The following HOMER2 variants were observed in gnomAD, a reference collection of about 807,000 sequenced individuals.
The protein encoded by HOMER2 is homer protein homolog 2.
A neutral mutation model predicts 47.0 loss-of-function variants in HOMER2; 27 were observed. The observed-to-expected ratio is 0.57, with a 90% CI of 0.42 to 0.79. The LOEUF (loss-of-function observed/expected upper bound fraction) is 0.79. Among genes scored for constraint, HOMER2 ranks in the 30% least tolerant of loss-of-function variants. HOMER2 has a pLI of 0.00. For missense variants in HOMER2, 443 were observed against 435.0 expected (o/e 1.02, Z -0.16); for synonymous variants, 161 against 163.8 (o/e 0.98, Z 0.13).
In HOMER2 at chr15:82,913,929, G is replaced by A. The variant is rs1362841853; in HGVS notation, c.6-21088C>T. On this transcript the variant is annotated intron_variant, in intron 1 of 8. Transcript: ENST00000450735. This position sits in a 1 kb window ranked among gnomAD's most constrained non-coding sequence, Gnocchi z 4.1. ...ACCCAAACAGCTACTTGTATGCCCA[G>A]GTTCAAAGCAGCATTATTCACAACA... Among the ~76,000 whole-genome samples the A allele has an allele frequency of 6.6e-6, 1 of 152,130 alleles. No individual in the cohort carries two copies. Among genetic ancestry groups the A allele is most frequent in the Non-Finnish European group, 1.5e-5 (1 of 68,032 alleles).
At chr15:82,930,278 A>G (rs1325793093) in intron 1 of HOMER2, among the ~76,000 whole-genome samples, 1 of 152,174 alleles carries the variant, frequency 6.6e-6, no homozygotes, top group Non-Finnish European at 1.5e-5. Flanking sequence ...GCTCAAATGA[A>G]ATACCGTATA....
intron 1 of HOMER2, among the ~76,000 whole-genome samples, chr15:82,979,737 G>A (rs938175747): frequency 6.6e-6 from 1 of 152,180 alleles, no homozygotes; most frequent in South Asian, 2.1e-4. Flanking sequence ...TAGGTTTCTG[G>A]CAAGGGAAAC....
At chr15:82,914,028 C>T (rs1056113425) in intron 1 of HOMER2, among the ~76,000 whole-genome samples, 35 of 152,140 alleles carry the variant, frequency 2.3e-4, no homozygotes, top group African/African-American at 7.7e-4. Flanking sequence ...CACATAGAAT[C>T]GAATAGCCTT....
chr15:82,979,974 G>A (rs377626251), intron 1 of HOMER2, among the ~76,000 whole-genome samples: 3 of 152,142 alleles, frequency 2.0e-5, no homozygotes, highest in African/African-American at 7.2e-5. Context: ...AAAAGTGATA[G>A]TCTGCATAGG....
intron 1 of HOMER2, among the ~76,000 whole-genome samples, chr15:82,912,484 C>T (rs1250627979): frequency 2.6e-5 from 4 of 151,732 alleles, no homozygotes; most frequent in African/African-American, 9.7e-5. Context: ...TTAATCCATT[C>T]TTCATCTGAT....
chr15:82,839,345 C>T (rs1471496689), exon 2 of HOMER2: 1 of 152,218 alleles, frequency 6.6e-6, no homozygotes, highest in Non-Finnish European at 1.5e-5. Flanking sequence ...AACATTGGCA[C>T]ACTCAAAAAA....
intron 2 of HOMER2, among the ~76,000 whole-genome samples, chr15:82,876,812 G>C (rs61604593): frequency 0.01 from 1,535 of 152,304 alleles, 31 homozygotes; most frequent in African/African-American, 0.035. Context: ...GTAGGAACCT[G>C]AGTCTACTCT....
chr15:82,928,134 C>A (rs942061622), intron 1 of HOMER2, among the ~76,000 whole-genome samples: 5 of 152,180 alleles, frequency 3.3e-5, no homozygotes, highest in African/African-American at 1.2e-4. Context: ...GCACTGCTGG[C>A]CTAAAGACCA....
chr15:82,880,493 G>C (rs1002799176), intron 2 of HOMER2, among the ~76,000 whole-genome samples: 4 of 152,188 alleles, frequency 2.6e-5, no homozygotes, highest in African/African-American at 9.7e-5. Flanking sequence ...CCACTGGGTG[G>C]TGGGTACATA....
At chr15:82,929,725 C>T (rs937693236) in intron 1 of HOMER2, among the ~76,000 whole-genome samples, 2 of 149,250 alleles carry the variant, frequency 1.3e-5, no homozygotes, top group East Asian at 3.9e-4. Context: ...GGTATGCTAA[C>T]ACAGTTTTGT....
chr15:82,981,248 G>C lies in HOMER2; in HGVS notation n.82+4539C>G, dbSNP rs963853090. On this transcript the variant is annotated intron_variant and non_coding_transcript_variant, in intron 1 of 1. Coordinates refer to the HOMER2 transcript ENST00000500334. ...AAACTGCATAACCTCTTGACCCTCA[G>C]CTTTAGTCTTTAAAGTGGTTATTGT... is the stretch of plus-strand genomic sequence containing the variant. 2.0e-5 allele frequency among the ~76,000 whole-genome samples: 3 copies of C among 152,138 alleles called. No individual in the cohort carries two copies. In the East Asian group the frequency reaches 5.8e-4, roughly 29 times the overall value.
chr15:82,852,091 CG>C (rs2051413926), intron 7 of HOMER2, 50 bp downstream of exon 7: 4 of 1,347,762 alleles, frequency 3.0e-6, no homozygotes, highest in Non-Finnish European at 4.2e-6. Flanking sequence ...TGTGCCACCC[CG>C]CAAGGCCAAG....
intron 1 of HOMER2, among the ~76,000 whole-genome samples, chr15:82,920,684 C>T (rs1247276263): frequency 1.3e-5 from 2 of 152,206 alleles, no homozygotes; most frequent in African/African-American, 4.8e-5. Context: ...TGTGATTACA[C>T]TGGGCCCTGG....
intron 1 of HOMER2, among the ~76,000 whole-genome samples, chr15:82,911,856 C>A (rs1349472313): frequency 1.3e-5 from 2 of 151,972 alleles, no homozygotes; most frequent in Non-Finnish European, 2.9e-5. Context: ...ATGGTAAAAC[C>A]CCCATCTCTA....
chr15:82,952,427 C>T (rs1279873745), intron 1 of HOMER2, 104 bp downstream of exon 1: 3 of 825,564 alleles, frequency 3.6e-6, no homozygotes. Context: ...CTTGGGGAGG[C>T]GGGGGCCGGC....
In HOMER2 at chr15:82,913,494, A is replaced by G. The variant is rs2053501564; in HGVS notation, c.6-20653T>C. Among the ~76,000 whole-genome samples, 1 of 152,158 alleles carries G rather than the reference A, an allele frequency of 6.6e-6. No homozygotes were observed. The highest frequency in any genetic ancestry group is 1.5e-5 in the Non-Finnish European group (1 of 68,030). ...CCTGAGAGTCTGACCTACTGCCTAC[A>G]GCCCAGGGCACACAGCCTGCCTCCC... On this transcript the variant is annotated intron_variant, in intron 1 of 8. Transcript: ENST00000450735. The surrounding 1 kb of genome is among the most constrained non-coding windows in gnomAD (Gnocchi z 4.1).
intron 1 of HOMER2, among the ~76,000 whole-genome samples, chr15:82,918,538 TC>T (rs1408814435): frequency 1.3e-5 from 2 of 152,016 alleles, no homozygotes; most frequent in African/African-American, 4.8e-5. Context: ...TTAGTTCTTC[TC>T]CATGGGGTTT....
chr15:82,853,061 C>T (rs879624830), intron 6 of HOMER2, among the ~76,000 whole-genome samples: 13 of 152,200 alleles, frequency 8.5e-5, no homozygotes, highest in African/African-American at 2.2e-4. Flanking sequence ...AGCAGCAGTC[C>T]TTGACATGAA....
intron 1 of HOMER2, among the ~76,000 whole-genome samples, chr15:82,899,885 G>T (rs1390650518): frequency 6.6e-6 from 1 of 152,152 alleles, no homozygotes; most frequent in Non-Finnish European, 1.5e-5. Flanking sequence ...AGCTGGGTGT[G>T]GTGGTGGGCA....
Sources: allele counts gnomAD v4.1 joint callset (sites outside exome capture counted in the v4.1 genomes callset), GRCh38; gene constraint gnomAD v4.1.1; non-coding constraint Gnocchi (gnomAD v3.1); transcripts MANE v1.5; gene names NCBI Gene and HGNC (gene_info 2026-07-23, HGNC 2026-07-21).